FBXO3: variants seen among roughly 807,000 people sequenced by gnomAD.
The protein encoded by FBXO3 is F-box only protein 3.
FBXO3 carries 17 observed loss-of-function variants against 64.8 expected under a neutral mutation model. The ratio of observed to expected loss-of-function variants is 0.26; its 90% CI spans 0.18 to 0.39. The LOEUF (loss-of-function observed/expected upper bound fraction) is 0.39, where lower values mean the gene tolerates loss of function less well. Ranked by LOEUF, FBXO3 falls within the 10% of genes least tolerant of loss-of-function variation. The pLI, the probability that FBXO3 is intolerant of heterozygous loss-of-function variation, is 1.00. For synonymous variants in FBXO3, 182 were observed against 201.6 expected (o/e 0.90, Z 0.82); for missense variants, 420 against 589.9 (o/e 0.71, Z 2.98).
chr11:33,742,324 CT>C (rs1854706790), intron 10 of FBXO3: 1 of 319,200 alleles, frequency 3.1e-6, no homozygotes, highest in African/African-American at 2.2e-5. Flanking sequence ...GGAAGATCTT[CT>C]TTTTAAAAAA....
intron 6 of FBXO3, chr11:33,753,698 T>C (rs1274958545): frequency 6.6e-6 from 1 of 152,192 alleles, no homozygotes; most frequent in East Asian, 1.9e-4. Context: ...AATAGAGACT[T>C]ATACATTGTT....
At position 33,750,546 on chromosome 11, in the gene FBXO3, G is replaced by T. The variant is rs1854928669; in HGVS notation, c.925C>A (p.Arg309=). The T allele has an allele frequency of 4.3e-6, 7 of 1,613,544 alleles. No homozygotes were observed. The highest frequency in any genetic ancestry group is 1.3e-5 in the African/African-American group (1 of 75,016). The part of the protein sequence containing the change: ...VHPPHYFFTY[R]IRIEMSKDAL... The stretch of plus-strand genomic sequence containing the variant: ...CCCATTTAAAATTCTCACCTGATTC[G>T]GTATGTGAAGAAATAGTGGGGTGGA... Residue 309 remains arginine (R), a synonymous_variant, in exon 8 of 11, where the codon CGA becomes AGA. Transcript: ENST00000265651.
At chr11:33,751,702 T>G in intron 6 of FBXO3, 95 bp from the exon 7 acceptor site, 1 of 641,580 alleles carries the variant, frequency 1.6e-6, no homozygotes, top group South Asian at 2.0e-5. Context: ...CTTTAGAATG[T>G]GATACCAAAA....
At chr11:33,765,053 T>C (rs1015271425) in intron 3 of FBXO3, among the ~76,000 whole-genome samples, 3 of 152,090 alleles carry the variant, frequency 2.0e-5, no homozygotes, top group Admixed American at 6.5e-5. Context: ...CAAGGAGACA[T>C]GACAACTAAA....
At chr11:33,763,097 G>T (rs1855282453) in intron 3 of FBXO3, 1 of 197,986 alleles carries the variant, frequency 5.1e-6, no homozygotes, top group Admixed American at 5.4e-5. Context: ...ATCTAATAAA[G>T]GAATTGAATC....
chr11:33,767,428 T>A (rs1414236122), intron 3 of FBXO3, among the ~76,000 whole-genome samples: 2 of 152,188 alleles, frequency 1.3e-5, no homozygotes, highest in African/African-American at 4.8e-5. Flanking sequence ...GCCTCCTGAG[T>A]AGCTGGGACT....
chr11:33,765,405 CAT>C (rs1855343699), intron 3 of FBXO3, among the ~76,000 whole-genome samples: 1 of 152,134 alleles, frequency 6.6e-6, no homozygotes, highest in Non-Finnish European at 1.5e-5. Context: ...GTATGTGCCA[CAT>C]GTTAGACACT....
At chr11:33,758,779 T>G (rs1046695973) in intron 3 of FBXO3, among the ~76,000 whole-genome samples, 178 bp from the exon 4 acceptor site, 7 of 152,180 alleles carry the variant, frequency 4.6e-5, no homozygotes, top group African/African-American at 7.2e-5. Context: ...AAAGCAAATT[T>G]CTTAGTTTCC....
chr11:33,751,666 C>A lies in FBXO3; in HGVS notation c.725-59G>T, dbSNP rs1590567695. 2.0e-6 allele frequency: 2 copies of A among 981,580 alleles called. No homozygotes were observed. Among genetic ancestry groups the A allele is most frequent in the South Asian group, 1.5e-5 (1 of 67,720 alleles). 60.8% of individuals were successfully genotyped at this position (981,580 alleles called of 1,614,324 possible). ...AACAAATAGTTTTGTAAAATCTATA[C>A]AGGAAACAATTGTAATTCCTCTATG... On this transcript the variant is annotated intron_variant, in intron 6 of 10. Coordinates refer to ENST00000265651, the MANE Select transcript of FBXO3 (RefSeq NM_012175.4).
chr11:33,746,475 A>G, intron 10 of FBXO3: 1 of 512,564 alleles, frequency 2.0e-6, no homozygotes, highest in South Asian at 3.4e-5. Context: ...AAACCCATCC[A>G]TCAGGGTCAT....
At chr11:33,768,553 TC>T (rs947061332) in intron 3 of FBXO3, among the ~76,000 whole-genome samples, 4 of 152,126 alleles carry the variant, frequency 2.6e-5, no homozygotes, top group Admixed American at 2.6e-4. Flanking sequence ...TTAAAAGAAA[TC>T]ACCGTAGTTA....
At chr11:33,758,940 G>A (rs10836107) in intron 3 of FBXO3, among the ~76,000 whole-genome samples, 99,588 of 151,378 alleles carry the variant, frequency 0.66, 32,935 homozygotes, top group Middle Eastern at 0.71. Flanking sequence ...AAAAAAAACA[G>A]CAAAACCCCT....
chr11:33,745,308 A>C (rs2133591760), intron 10 of FBXO3: 1 of 152,214 alleles, frequency 6.6e-6, no homozygotes, highest in South Asian at 2.1e-4. Flanking sequence ...AAAAAAAAAA[A>C]AAATCAGCAA....
At chr11:33,758,905 T>C (rs1855174219) in intron 3 of FBXO3, among the ~76,000 whole-genome samples, 1 of 149,188 alleles carries the variant, frequency 6.7e-6, no homozygotes, top group Non-Finnish European at 1.5e-5. Flanking sequence ...ATCTAAAATA[T>C]TCATACTGCT....
At chr11:33,772,114 T>C (rs1255605172) in intron 1 of FBXO3, 1 of 152,178 alleles carries the variant, frequency 6.6e-6, no homozygotes, top group Non-Finnish European at 1.5e-5. Flanking sequence ...TATCAGATCA[T>C]CTCAATTCAA....
At chr11:33,754,579 G>T in intron 5 of FBXO3, 79 bp from the exon 6 acceptor site, 1 of 1,238,548 alleles carries the variant, frequency 8.1e-7, no homozygotes, top group South Asian at 1.5e-5. Flanking sequence ...ATCTTTCCCT[G>T]GAGACGAGGC....
intron 3 of FBXO3, among the ~76,000 whole-genome samples, chr11:33,763,571 C>T (rs1459044655): frequency 2.0e-5 from 3 of 147,830 alleles, no homozygotes; most frequent in Admixed American, 6.7e-5. Context: ...AAACAAAAAC[C>T]CTCTTCCCAA....
In FBXO3 at chr11:33,741,014, A is replaced by G. The variant is rs1249929351; in HGVS notation, c.*894T>C. 6.5e-6 allele frequency: 1 copy of G among 152,696 alleles called. No homozygotes were observed. Among genetic ancestry groups the G allele is most frequent in the South Asian group, 2.1e-4 (1 of 4,832 alleles). 9.5% of individuals were successfully genotyped at this position (152,696 alleles called of 1,614,324 possible). ...AGGATTTCATTCTTAACTCTCAATT[A>G]TATAATTACAAAAAAAATCCAAGTT... On this transcript the variant is annotated 3_prime_UTR_variant, in exon 11 of 11. Coordinates refer to ENST00000265651, the MANE Select transcript of FBXO3 (RefSeq NM_012175.4).
rs1465458409 is a variant in FBXO3, at chr11:33,742,088, G to C, written c.1240-4C>G. ...CATATTCATCAGGACCCATTTCCTT[G>C]AAAGAGAAAACAATCTTTTGATAAG... On this transcript the variant is annotated splice_region_variant and splice_polypyrimidine_tract_variant and intron_variant, in intron 10 of 10. Coordinates refer to ENST00000265651, the MANE Select transcript of FBXO3 (RefSeq NM_012175.4). The C allele has an allele frequency of 2.6e-6, 4 of 1,552,058 alleles. No individual in the cohort carries two copies. Among genetic ancestry groups the C allele is most frequent in the Non-Finnish European group, 3.5e-6 (4 of 1,151,866 alleles).
Sources: gnomAD v4.1 joint callset for allele counts (sites outside exome capture counted in the v4.1 genomes callset) on GRCh38, gnomAD v4.1.1 for gene constraint, MANE v1.5 for transcripts, NCBI Gene and HGNC (gene_info 2026-07-23, HGNC 2026-07-21) for gene names.